DLG2: variants seen among roughly 807,000 people sequenced by gnomAD.
The protein encoded by DLG2 is discs large MAGUK scaffold protein 2.
DLG2 carries 45 observed loss-of-function variants against 132.5 expected under a neutral mutation model. The observed-to-expected ratio is 0.34, with a 90% CI of 0.27 to 0.44. DLG2 has a LOEUF of 0.44. Ranked by LOEUF, DLG2 falls within the 20% of genes least tolerant of loss-of-function variation. The pLI is 1.00. For synonymous variants in DLG2, 424 were observed against 419.6 expected, an observed-to-expected ratio of 1.01 and a Z score of -0.13; for missense variants, 1,045 against 1,196.9, an observed-to-expected ratio of 0.87 and a Z score of 1.87.
intron 4 of DLG2, among the ~76,000 whole-genome samples, chr11:85,235,788 G>C (rs183069496): frequency 3.3e-4 from 50 of 152,004 alleles, no homozygotes; most frequent in Middle Eastern, 3.4e-3. Flanking sequence ...TGAGGATCTA[G>C]ATTTTTGAAG....
At chr11:85,565,298 T>C (rs1294391462) in intron 3 of DLG2, among the ~76,000 whole-genome samples, 1 of 152,104 alleles carries the variant, frequency 6.6e-6, no homozygotes, top group Admixed American at 6.6e-5. Flanking sequence ...GGGAAAAGCA[T>C]TCAATATTTG....
intron 11 of DLG2, among the ~76,000 whole-genome samples, chr11:84,036,377 G>C (rs1325436237): frequency 1.3e-5 from 2 of 150,932 alleles, no homozygotes; most frequent in African/African-American, 4.9e-5. Context: ...TAGGGCTTGA[G>C]AAACAAGGAA....
At chr11:83,544,864 A>C (rs1242864119) in intron 19 of DLG2, among the ~76,000 whole-genome samples, 1 of 152,150 alleles carries the variant, frequency 6.6e-6, no homozygotes, top group African/African-American at 2.4e-5. Context: ...TTCCTTAGCC[A>C]TTTTATTATG....
chr11:85,363,833 T>C (rs2084340029), intron 3 of DLG2, among the ~76,000 whole-genome samples: 1 of 152,216 alleles, frequency 6.6e-6, no homozygotes, highest in Admixed American at 6.5e-5. Context: ...TTACTGAGGA[T>C]AAATTCAGAG....
chr11:85,282,717 T>C lies in DLG2; in HGVS notation c.186+2503A>G, dbSNP rs370557494. ...CTTCTATGCAATATATATGGGACTATGCATCTAGAAATTGAATAAAATAAT... is the reference window on the plus strand; with the variant it reads ...CTTCTATGCAATATATATGGGACTACGCATCTAGAAATTGAATAAAATAAT... On this transcript the variant is annotated intron_variant, in intron 4 of 27. Transcript: ENST00000376104. Among the ~76,000 whole-genome samples, 4 of 152,022 alleles carry C rather than the reference T, an allele frequency of 2.6e-5. No homozygotes were observed. In the East Asian group the frequency reaches 7.7e-4, roughly 29 times the overall value.
At position 85,060,513 on chromosome 11, in the gene DLG2, G is replaced by C. The variant is rs138388727; in HGVS notation, c.357+51148C>G. On this transcript the variant is annotated intron_variant, in intron 6 of 27. Coordinates refer to ENST00000376104, the MANE Select transcript of DLG2 (RefSeq NM_001142699.3). ...TATACACGCATATGTATATGTGTGT[G>C]TGTGTATACATGTATTTATATATAC... 3.3e-5 allele frequency among the ~76,000 whole-genome samples: 5 copies of C among 150,678 alleles called. No individual in the cohort carries two copies. In the East Asian group the frequency reaches 9.8e-4, roughly 29 times the overall value.
chr11:84,280,872 T>TTC (rs1376689493), intron 7 of DLG2, among the ~76,000 whole-genome samples: 7 of 137,548 alleles, frequency 5.1e-5, no homozygotes, highest in Non-Finnish European at 1.1e-4. Context: ...AGCCAATTTT[T>TTC]TTTTTTTTTT....
chr11:84,879,502 G>T (rs2086944590), intron 6 of DLG2, among the ~76,000 whole-genome samples: 1 of 152,124 alleles, frequency 6.6e-6, no homozygotes, highest in South Asian at 2.1e-4. Context: ...CCTGATCTTT[G>T]TTTGTGTGTG....
At chr11:84,958,644 T>C (rs1015772035) in intron 6 of DLG2, among the ~76,000 whole-genome samples, 1 of 152,068 alleles carries the variant, frequency 6.6e-6, no homozygotes, top group Non-Finnish European at 1.5e-5. Context: ...TCCACATCAA[T>C]AAAACACCAG....
chr11:84,859,516 GAA>G (rs963769750), intron 6 of DLG2, among the ~76,000 whole-genome samples: 21 of 147,328 alleles, frequency 1.4e-4, no homozygotes, highest in African/African-American at 5.2e-4. Flanking sequence ...AACTTATATT[GAA>G]AAAGTCAAAA....
chr11:83,997,864 T>C (rs2094134366), intron 11 of DLG2, among the ~76,000 whole-genome samples: 1 of 150,750 alleles, frequency 6.6e-6, no homozygotes, highest in African/African-American at 2.4e-5. Context: ...ATTGAAGTAC[T>C]TGCCAGAAGT....
intron 19 of DLG2, among the ~76,000 whole-genome samples, chr11:83,616,084 T>A (rs1388262518): frequency 6.6e-6 from 1 of 152,232 alleles, no homozygotes; most frequent in African/African-American, 2.4e-5. Flanking sequence ...CTATTATTGA[T>A]TTTCATTGTT....
intron 6 of DLG2, among the ~76,000 whole-genome samples, chr11:85,056,976 A>T (rs607864): frequency 0.67 from 101,798 of 151,696 alleles, 35,141 homozygotes; most frequent in East Asian, 0.95. Flanking sequence ...GGAAAATGAT[A>T]CTGGAAGGAA....
At chr11:84,146,134 T>A (rs1456473903) in intron 9 of DLG2, among the ~76,000 whole-genome samples, 1 of 152,168 alleles carries the variant, frequency 6.6e-6, no homozygotes, top group Non-Finnish European at 1.5e-5. Flanking sequence ...GAAAAATTGC[T>A]CTTTCATTCT....
At chr11:84,086,434 T>C (rs2096981681) in intron 10 of DLG2, among the ~76,000 whole-genome samples, 1 of 152,028 alleles carries the variant, frequency 6.6e-6, no homozygotes, top group Non-Finnish European at 1.5e-5. Context: ...AGTTGTCCAA[T>C]TGCCCTATGT....
intron 6 of DLG2, among the ~76,000 whole-genome samples, chr11:84,609,787 A>G (rs1235870395): frequency 1.3e-5 from 2 of 152,198 alleles, no homozygotes; most frequent in Non-Finnish European, 2.9e-5. Flanking sequence ...TTTTGCCAAC[A>G]TAAAATGACA....
chr11:84,346,790 A>T (rs1279826108), intron 7 of DLG2, among the ~76,000 whole-genome samples: 1 of 152,054 alleles, frequency 6.6e-6, no homozygotes, highest in Non-Finnish European at 1.5e-5. Flanking sequence ...GTTGGCCAGG[A>T]TGGTCTCAAT....
chr11:85,502,814 A>G (rs2093836075), intron 3 of DLG2, among the ~76,000 whole-genome samples: 1 of 152,140 alleles, frequency 6.6e-6, no homozygotes, highest in Non-Finnish European at 1.5e-5. Context: ...AGTTAAAGTA[A>G]AATTTTTAAA....
chr11:84,557,488 C>G (rs1489879118), intron 6 of DLG2, among the ~76,000 whole-genome samples: 1 of 151,836 alleles, frequency 6.6e-6, no homozygotes, highest in Non-Finnish European at 1.5e-5. Context: ...TACAGTATTC[C>G]TTAAAAATGC....
Sources: gnomAD v4.1 joint callset for allele counts (sites outside exome capture counted in the v4.1 genomes callset) on GRCh38, gnomAD v4.1.1 for gene constraint, MANE v1.5 for transcripts, NCBI Gene and HGNC (gene_info 2026-07-23, HGNC 2026-07-21) for gene names.